The following TPRG1 variants were observed in gnomAD, a reference collection of about 807,000 sequenced individuals.
TPRG1 encodes the protein tumor protein p63 regulated 1, also known as tumor protein p63-regulated gene 1 protein.
In TPRG1, 29 loss-of-function variants were observed where a neutral mutation model predicts 29.3. The observed-to-expected ratio is 0.99, with a 90% CI of 0.74 to 1.35. The LOEUF (loss-of-function observed/expected upper bound fraction) is 1.35. Among genes scored for constraint, TPRG1 ranks in the 40% most tolerant of loss-of-function variants. TPRG1 has a pLI of 0.00. For synonymous variants in TPRG1, 130 were observed against 116.8 expected, an observed-to-expected ratio of 1.11 and a Z score of -0.73; for missense variants, 327 against 335.0, an observed-to-expected ratio of 0.98 and a Z score of 0.19.
intron 4 of TPRG1, among the ~76,000 whole-genome samples, chr3:189,049,887 CAAT>C (rs1715208332): frequency 1.3e-5 from 2 of 152,274 alleles, no homozygotes; most frequent in African/African-American, 4.8e-5. Context: ...AACTGAATGA[CAAT>C]AATGACACAA....
chr3:189,190,910 A>C (rs1731593097), intron 1 of TPRG1: 1 of 978,468 alleles, frequency 1.0e-6, no homozygotes, highest in Non-Finnish European at 1.2e-6. Context: ...GGCTGATCAA[A>C]ACCAAACATT....
chr3:189,215,230 A>T, intron 2 of TPRG1, 62 bp from the exon 3 acceptor site: 1 of 1,390,060 alleles, frequency 7.2e-7, no homozygotes. Context: ...TATACTAACT[A>T]ATCATAAGCG....
At chr3:189,271,826 C>T (rs1158052585) in intron 4 of TPRG1, among the ~76,000 whole-genome samples, 2 of 152,210 alleles carry the variant, frequency 1.3e-5, no homozygotes, top group African/African-American at 4.8e-5. Context: ...AATCCCGATT[C>T]TCATTTACTT....
intron 1 of TPRG1, among the ~76,000 whole-genome samples, chr3:189,108,568 A>G (rs1174441008): frequency 4.0e-5 from 6 of 151,772 alleles, no homozygotes; most frequent in African/African-American, 1.5e-4. Flanking sequence ...ACTGTACGGA[A>G]TGCTGATAGA....
chr3:189,083,004 A>G (rs1041521223), intron 4 of TPRG1, among the ~76,000 whole-genome samples: 13 of 152,148 alleles, frequency 8.5e-5, no homozygotes, highest in African/African-American at 3.1e-4. Context: ...GCAGGACAAG[A>G]AAAAGGGAGA....
chr3:189,280,866 A>G (rs768817917), intron 4 of TPRG1, among the ~76,000 whole-genome samples: 61 of 152,148 alleles, frequency 4.0e-4, no homozygotes, highest in Admixed American at 7.2e-4. Flanking sequence ...CCTACCCAAC[A>G]ATCACTTATG....
intron 3 of TPRG1, among the ~76,000 whole-genome samples, chr3:189,231,366 G>A (rs539073077): frequency 2.0e-5 from 3 of 150,784 alleles, no homozygotes; most frequent in African/African-American, 7.3e-5. Context: ...TTGTATATCC[G>A]AAAACTATTA....
upstream of TPRG1, among the ~76,000 whole-genome samples, chr3:189,168,316 A>T (rs2108651163): frequency 6.6e-6 from 1 of 152,298 alleles, no homozygotes; most frequent in African/African-American, 2.4e-5. Flanking sequence ...GAGAGAGAAA[A>T]AAAGATGCTT....
intron 1 of TPRG1, among the ~76,000 whole-genome samples, chr3:189,202,552 T>TA (rs1733672068): frequency 6.6e-6 from 1 of 152,232 alleles, no homozygotes; most frequent in Non-Finnish European, 1.5e-5. Flanking sequence ...TGGGGTGCCT[T>TA]ACAAATTTTA....
intron 4 of TPRG1, among the ~76,000 whole-genome samples, chr3:189,027,576 G>C (rs1713729222): frequency 6.6e-6 from 1 of 152,138 alleles, no homozygotes; most frequent in Non-Finnish European, 1.5e-5. Flanking sequence ...ATATGGCTAG[G>C]TTGAATTTCT....
intron 4 of TPRG1, among the ~76,000 whole-genome samples, chr3:189,059,034 A>T (rs1386863075): frequency 2.0e-5 from 3 of 152,136 alleles, no homozygotes; most frequent in Non-Finnish European, 4.4e-5. Context: ...AGGGTGTCCC[A>T]GGGCAGAGTA....
At chr3:189,029,627 T>A (rs1713833157) in intron 4 of TPRG1, among the ~76,000 whole-genome samples, 1 of 152,200 alleles carries the variant, frequency 6.6e-6, no homozygotes, top group Admixed American at 6.5e-5. Context: ...TTTATGTAAC[T>A]AGCTGATATG....
chr3:189,185,032 A>G (rs1730732245), intron 1 of TPRG1, among the ~76,000 whole-genome samples: 1 of 152,176 alleles, frequency 6.6e-6, no homozygotes, highest in South Asian at 2.1e-4. Context: ...AGGAGGTAGG[A>G]ATGAGTTAGC....
intron 1 of TPRG1, among the ~76,000 whole-genome samples, chr3:189,125,853 G>C (rs939360041): frequency 4.7e-5 from 7 of 148,810 alleles, no homozygotes; most frequent in Non-Finnish European, 8.9e-5. Flanking sequence ...GTGTGTGTGT[G>C]TGTGTGTGTG....
At chr3:189,155,738 A>G (rs1379562850) in intron 5 of TPRG1, among the ~76,000 whole-genome samples, 5 of 152,240 alleles carry the variant, frequency 3.3e-5, no homozygotes, top group Admixed American at 6.5e-5. Context: ...CCAAGCACAG[A>G]AAGACAAATA....
intron 4 of TPRG1, among the ~76,000 whole-genome samples, chr3:189,048,948 C>T (rs9821108): frequency 0.13 from 19,028 of 152,004 alleles, 2,139 homozygotes; most frequent in African/African-American, 0.3. Context: ...GAGAGCTGAG[C>T]GAAATACAGG....
chr3:189,318,934 C>G (rs1038245227), intron 5 of TPRG1, among the ~76,000 whole-genome samples: 31 of 152,110 alleles, frequency 2.0e-4, no homozygotes, highest in African/African-American at 7.5e-4. Context: ...CTCATAACAG[C>G]AATGTTATAA....
At chr3:189,272,777 C>T (rs1353207090) in intron 4 of TPRG1, among the ~76,000 whole-genome samples, 11 of 144,108 alleles carry the variant, frequency 7.6e-5, no homozygotes, top group African/African-American at 2.0e-4. Flanking sequence ...CCTTCCTTCC[C>T]TCTCTTTCTT....
intron 3 of TPRG1, among the ~76,000 whole-genome samples, chr3:189,012,066 T>C (rs1712632591): frequency 6.6e-6 from 1 of 152,200 alleles, no homozygotes; most frequent in South Asian, 2.1e-4. Flanking sequence ...GGTAGGATCA[T>C]GTCATCTGCA....
Sources: gnomAD v4.1 joint callset for allele counts (sites outside exome capture counted in the v4.1 genomes callset) on GRCh38, gnomAD v4.1.1 for gene constraint, MANE v1.5 for transcripts, NCBI Gene and HGNC (gene_info 2026-07-23, HGNC 2026-07-21) for gene names.